The following PARD3 variants were observed in gnomAD, a reference collection of about 807,000 sequenced individuals.
PARD3 encodes partitioning defective 3 homolog.
A neutral mutation model predicts 155.4 loss-of-function variants in PARD3; 75 were observed. The ratio of observed to expected loss-of-function variants is 0.48; its 90% confidence interval spans 0.40 to 0.58. The LOEUF (loss-of-function observed/expected upper bound fraction) is 0.58, where lower values mean the gene tolerates loss of function less well. PARD3 is among the 20% of genes least tolerant of loss of function. The pLI is 0.00. For synonymous variants in PARD3, 576 were observed against 610.5 expected (o/e 0.94, Z 0.83); for missense variants, 1,642 against 1,721.7 (o/e 0.95, Z 0.82).
At chr10:34,519,890 G>T (rs756251784) in intron 2 of PARD3, among the ~76,000 whole-genome samples, 8 of 114,026 alleles carry the variant, frequency 7.0e-5, no homozygotes, top group Non-Finnish European at 1.5e-4. Context: ...CATAAAAATA[G>T]AAAATAAATC....
At chr10:34,549,824 G>T (rs984456207) in intron 2 of PARD3, among the ~76,000 whole-genome samples, 1 of 152,032 alleles carries the variant, frequency 6.6e-6, no homozygotes, top group African/African-American at 2.4e-5. Flanking sequence ...TCCTTCTGTG[G>T]CTGAGGTGGT....
At chr10:34,561,809 C>T (rs1283623037) in intron 2 of PARD3, among the ~76,000 whole-genome samples, 6 of 151,826 alleles carry the variant, frequency 4.0e-5, no homozygotes, top group African/African-American at 1.2e-4. Context: ...TGAGCCACTG[C>T]GCCCGGCCCT....
intron 19 of PARD3, among the ~76,000 whole-genome samples, chr10:34,321,933 C>A (rs986697146): frequency 2.0e-5 from 3 of 152,142 alleles, no homozygotes; most frequent in African/African-American, 7.2e-5. Flanking sequence ...AAGGTTGACT[C>A]AAAGCCTCAA....
chr10:34,207,634 T>G (rs551854143), intron 22 of PARD3, among the ~76,000 whole-genome samples: 19 of 152,324 alleles, frequency 1.2e-4, no homozygotes, highest in Admixed American at 8.5e-4. Flanking sequence ...CTACCTTTTC[T>G]TTTACCAAGA....
At chr10:34,193,822 G>T (rs757624761) in intron 22 of PARD3, among the ~76,000 whole-genome samples, 32 of 152,160 alleles carry the variant, frequency 2.1e-4, no homozygotes, top group Non-Finnish European at 3.7e-4. Context: ...AGAAAATTCA[G>T]TTGGCTATTT....
chr10:34,259,452 T>C (rs1954839953), intron 22 of PARD3, among the ~76,000 whole-genome samples: 1 of 152,172 alleles, frequency 6.6e-6, no homozygotes, highest in Non-Finnish European at 1.5e-5. Context: ...TTCCTCTGAC[T>C]TCAGTCAATA....
intron 22 of PARD3, among the ~76,000 whole-genome samples, chr10:34,150,930 T>C (rs1162192282): frequency 1.3e-5 from 2 of 152,212 alleles, no homozygotes; most frequent in African/African-American, 4.8e-5. Flanking sequence ...GTCACATACA[T>C]GTTTTGTCCC....
intron 12 of PARD3, among the ~76,000 whole-genome samples, chr10:34,364,558 G>A (rs1467687920): frequency 2.0e-5 from 3 of 151,796 alleles, no homozygotes. Context: ...AGCCTCCCAA[G>A]TAGCTAGCTG....
chr10:34,458,836 A>G (rs1448924297), intron 4 of PARD3, among the ~76,000 whole-genome samples: 1 of 152,214 alleles, frequency 6.6e-6, no homozygotes, highest in Non-Finnish European at 1.5e-5. Flanking sequence ...ACAGTATTTC[A>G]TAAGGGCCAA....
intron 2 of PARD3, among the ~76,000 whole-genome samples, chr10:34,564,803 A>G (rs1272153718): frequency 6.6e-6 from 1 of 152,198 alleles, no homozygotes; most frequent in East Asian, 1.9e-4. Context: ...ACCACATTTG[A>G]TGATCTGTCT....
chr10:34,496,113 G>A (rs181874294), intron 3 of PARD3, among the ~76,000 whole-genome samples: 76 of 151,938 alleles, frequency 5.0e-4, no homozygotes, highest in African/African-American at 1.6e-3. Context: ...AAGATGGGAG[G>A]ATGCTTGAGC....
chr10:34,599,046 A>G (rs1235052795), intron 2 of PARD3, among the ~76,000 whole-genome samples: 1 of 152,064 alleles, frequency 6.6e-6, no homozygotes, highest in Non-Finnish European at 1.5e-5. Flanking sequence ...CCCAATCAAC[A>G]CAAGGGTCAT....
chr10:34,603,908 A>G (rs1343327739), intron 2 of PARD3, among the ~76,000 whole-genome samples: 1 of 152,278 alleles, frequency 6.6e-6, no homozygotes, highest in Admixed American at 6.5e-5. Context: ...CACGCAGCCA[A>G]TCCCTCCATA....
In PARD3 at chr10:34,269,687, G is replaced by C; in HGVS notation, c.3389C>G (p.Pro1130Arg). The C allele has an allele frequency of 6.2e-7, 1 of 1,613,940 alleles. No homozygotes were observed. The highest frequency in any genetic ancestry group is 8.5e-7 in the Non-Finnish European group (1 of 1,179,948). The change falls in exon 22 of 25, where the codon CCG becomes CGG. Residue 1130 changes from proline to arginine, a missense_variant. Transcript: ENST00000374788. ...MDALYAQVKK[P>R]RNSKPSPVDS... ...TACAGGTGAGGGTTTGGAATTCCGC[G>C]GCTTCTTGACTTGGGCATACAAAGC...
chr10:34,393,930 T>C (rs1589417492), intron 7 of PARD3, among the ~76,000 whole-genome samples: 1 of 150,780 alleles, frequency 6.6e-6, no homozygotes, highest in African/African-American at 2.4e-5. Flanking sequence ...CTCCACCTCC[T>C]GGGTTCAAGC....
At chr10:34,555,832 T>C (rs550221525) in intron 2 of PARD3, among the ~76,000 whole-genome samples, 1 of 152,184 alleles carries the variant, frequency 6.6e-6, no homozygotes, top group African/African-American at 2.4e-5. Context: ...GACTCCACCC[T>C]ATCACCCACA....
At position 34,702,136 on chromosome 10, in the gene PARD3, G is replaced by A. The variant is rs2094290945; in HGVS notation, c.121-5717C>T. Among the ~76,000 whole-genome samples, 3 of 151,850 alleles carry A rather than the reference G, an allele frequency of 2.0e-5. No homozygotes were observed. In the South Asian group the frequency reaches 6.3e-4, roughly 32 times the overall value. On this transcript the variant is annotated intron_variant, in intron 1 of 24. Transcript: ENST00000374788. ...GCTGAGATTGCGCCACTGCACTCCA[G>A]CCTGGGCAACAGCAACACTCCGTCT...
At chr10:34,326,421 C>A (rs1337510103) in intron 19 of PARD3, among the ~76,000 whole-genome samples, 1 of 152,092 alleles carries the variant, frequency 6.6e-6, no homozygotes, top group East Asian at 1.9e-4. Flanking sequence ...TTTTATAGAT[C>A]AACATCCAAT....
chr10:34,645,786 C>T (rs115327576), intron 2 of PARD3, among the ~76,000 whole-genome samples: 2,613 of 152,226 alleles, frequency 0.017, 72 homozygotes, highest in African/African-American at 0.06. Context: ...TGTGGACAAA[C>T]GAAAGGTTAT....
Sources: allele counts gnomAD v4.1 joint callset (sites outside exome capture counted in the v4.1 genomes callset), GRCh38; gene constraint gnomAD v4.1.1; transcripts MANE v1.5; gene names NCBI Gene and HGNC (gene_info 2026-07-23, HGNC 2026-07-21).